Variants in MAP7 observed in about 807,000 individuals in gnomAD.
MAP7 encodes microtubule associated protein 7.
Under a neutral mutation model 94.8 loss-of-function variants are expected in MAP7, and 52 were observed. The ratio of observed to expected loss-of-function variants is 0.55; its 90% confidence interval spans 0.44 to 0.69. The LOEUF (loss-of-function observed/expected upper bound fraction) is 0.69. MAP7 is among the 30% of genes least tolerant of loss of function. The pLI is 0.00. For missense variants in MAP7, 940 were observed against 964.6 expected (o/e 0.97, Z 0.34); for synonymous variants, 350 against 357.0 (o/e 0.98, Z 0.22).
rs553392167 is a variant in MAP7 at position 136,377,627 on chromosome 6, C to T, written c.751+128G>A. On this transcript the variant is annotated intron_variant, in intron 7 of 17. Transcript: ENST00000354570. ...AACAATGACAGGGGTATGAAACCAA[C>T]ACCGACAGACATTTCCACCGGGGGA... 6 of 669,742 alleles carry T rather than the reference C, an allele frequency of 9.0e-6. No homozygotes were observed. In the East Asian group the frequency reaches 1.5e-4, roughly 17 times the overall value. 41.5% of individuals were successfully genotyped at this position (669,742 alleles called of 1,614,324 possible). A position where few individuals can be genotyped will look rare whatever the true frequency, so the allele number is the denominator to read the frequency against.
At chr6:136,547,735 G>T (rs892960885) in intron 1 of MAP7, among the ~76,000 whole-genome samples, 3 of 151,970 alleles carry the variant, frequency 2.0e-5, no homozygotes, top group Non-Finnish European at 4.4e-5. Context: ...TTAAATGTTG[G>T]GTTTATATAA....
intron 17 of MAP7, among the ~76,000 whole-genome samples, chr6:136,345,483 C>T (rs1787417861): frequency 6.6e-6 from 1 of 152,214 alleles, no homozygotes; most frequent in Non-Finnish European, 1.5e-5. Flanking sequence ...AGATCTTTCT[C>T]TAGTGGGCAG....
chr6:136,379,052 G>A (rs1355832449), intron 6 of MAP7, among the ~76,000 whole-genome samples: 1 of 152,154 alleles, frequency 6.6e-6, no homozygotes, highest in Non-Finnish European at 1.5e-5. Context: ...GTCTACACCT[G>A]AAAAGGCTGC....
At chr6:136,401,241 A>G (rs1047466249) in intron 3 of MAP7, among the ~76,000 whole-genome samples, 2 of 152,180 alleles carry the variant, frequency 1.3e-5, no homozygotes, top group Admixed American at 1.3e-4. Context: ...AGTCCCAGGT[A>G]CTTGGGAGGC....
intron 5 of MAP7, among the ~76,000 whole-genome samples, chr6:136,384,048 G>A (rs1244770052): frequency 1.3e-5 from 2 of 152,160 alleles, no homozygotes; most frequent in Admixed American, 1.3e-4. Context: ...GAAGACAAAA[G>A]GAAGGCCAGT....
chr6:136,362,351 C>A, intron 11 of MAP7, 99 bp downstream of exon 11: 2 of 1,426,248 alleles, frequency 1.4e-6, no homozygotes, highest in Non-Finnish European at 1.9e-6. Flanking sequence ...CTAATCCATT[C>A]ACTTTCATCA....
At chr6:136,369,337 G>A (rs1471522418) in intron 8 of MAP7, among the ~76,000 whole-genome samples, 1 of 152,204 alleles carries the variant, frequency 6.6e-6, no homozygotes, top group African/African-American at 2.4e-5. Context: ...ATTTGGGGAG[G>A]CCGAGATGGG....
intron 3 of MAP7, among the ~76,000 whole-genome samples, chr6:136,392,607 T>C (rs185571328): frequency 4.2e-4 from 64 of 152,240 alleles, no homozygotes; most frequent in African/African-American, 1.5e-3. Flanking sequence ...AACAATGTGC[T>C]GTCGTAAATC....
intron 1 of MAP7, chr6:136,526,854 C>T (rs986020152): frequency 5.1e-6 from 1 of 196,382 alleles, no homozygotes; most frequent in Non-Finnish European, 9.2e-6. Flanking sequence ...GACATTCTTA[C>T]CACCCCAGAG....
intron 1 of MAP7, among the ~76,000 whole-genome samples, chr6:136,481,617 T>C (rs1184734533): frequency 6.6e-6 from 1 of 151,604 alleles, no homozygotes; most frequent in Admixed American, 6.6e-5. Flanking sequence ...CTGGGAAGAG[T>C]AGTGCAAGTG....
At chr6:136,522,160 C>G (rs1826568023) in intron 1 of MAP7, among the ~76,000 whole-genome samples, 1 of 152,170 alleles carries the variant, frequency 6.6e-6, no homozygotes, top group Non-Finnish European at 1.5e-5. Context: ...GTTACTGCAG[C>G]ACCTAAACAG....
chr6:136,391,659 T>A (rs1230456353), intron 3 of MAP7, among the ~76,000 whole-genome samples: 21 of 101,286 alleles, frequency 2.1e-4, no homozygotes, highest in African/African-American at 7.8e-4. Flanking sequence ...AAATAAAAAA[T>A]AAAAACTATT....
chr6:136,362,978 T>C (rs1361586313), intron 10 of MAP7, among the ~76,000 whole-genome samples: 1 of 152,224 alleles, frequency 6.6e-6, no homozygotes, highest in Non-Finnish European at 1.5e-5. Flanking sequence ...ATATATTGAA[T>C]GTGTACAAAG....
At chr6:136,364,333 G>C (rs1011047282) in intron 10 of MAP7, 3 of 480,320 alleles carry the variant, frequency 6.2e-6, no homozygotes, top group Non-Finnish European at 1.2e-5. Context: ...GGAGGAGCTC[G>C]TGGACCTGCA....
At chr6:136,483,171 C>T (rs1047973532) in intron 1 of MAP7, among the ~76,000 whole-genome samples, 1 of 146,450 alleles carries the variant, frequency 6.8e-6, no homozygotes, top group African/African-American at 2.5e-5. Flanking sequence ...GGTACATATA[C>T]ACCATGGAAT....
chr6:136,375,972 T>C (rs1285452570), intron 7 of MAP7, among the ~76,000 whole-genome samples: 1 of 152,084 alleles, frequency 6.6e-6, no homozygotes, highest in East Asian at 1.9e-4. Context: ...CAAGAGTTAG[T>C]GATGACAAAA....
intron 1 of MAP7, among the ~76,000 whole-genome samples, chr6:136,489,840 G>T (rs1206773696): frequency 6.6e-6 from 1 of 151,970 alleles, no homozygotes; most frequent in Non-Finnish European, 1.5e-5. Context: ...GTAACATCAG[G>T]TTTCTTATAC....
At chr6:136,444,886 C>T (rs1798866299) in intron 1 of MAP7, among the ~76,000 whole-genome samples, 1 of 152,142 alleles carries the variant, frequency 6.6e-6, no homozygotes, top group South Asian at 2.1e-4. Context: ...CCTTTCATGC[C>T]TAAAACTTCA....
chr6:136,396,629 G>A (rs1254408594), intron 3 of MAP7, among the ~76,000 whole-genome samples: 1 of 151,876 alleles, frequency 6.6e-6, no homozygotes, highest in African/African-American at 2.4e-5. Flanking sequence ...CATATCCAAG[G>A]GTCTTAATAA....
Sources: gnomAD v4.1 joint callset for allele counts (sites outside exome capture counted in the v4.1 genomes callset) on GRCh38, gnomAD v4.1.1 for gene constraint, MANE v1.5 for transcripts, NCBI Gene and HGNC (gene_info 2026-07-23, HGNC 2026-07-21) for gene names.